NKAIN2: variants seen among roughly 807,000 people sequenced by gnomAD.
NKAIN2 encodes sodium/potassium-transporting ATPase subunit beta-1-interacting protein 2.
In NKAIN2, 14 loss-of-function variants were observed where a neutral mutation model predicts 32.6. The observed-to-expected ratio is 0.43, with a 90% confidence interval of 0.28 to 0.67. The LOEUF (loss-of-function observed/expected upper bound fraction) is 0.67. NKAIN2 is among the 30% of genes least tolerant of loss of function. NKAIN2 has a pLI of 0.17. For synonymous variants in NKAIN2, 80 were observed against 87.2 expected (o/e 0.92, Z 0.46); for missense variants, 198 against 258.3 (o/e 0.77, Z 1.60).
At chr6:124,173,584 G>C (rs955795159) in intron 1 of NKAIN2, among the ~76,000 whole-genome samples, 3 of 151,770 alleles carry the variant, frequency 2.0e-5, no homozygotes, top group African/African-American at 7.3e-5. Flanking sequence ...AAGGGATGGT[G>C]GTATTATATC....
intron 4 of NKAIN2, among the ~76,000 whole-genome samples, chr6:124,739,717 A>G (rs1399231922): frequency 1.3e-5 from 2 of 151,862 alleles, no homozygotes; most frequent in African/African-American, 4.8e-5. Flanking sequence ...CAGGGTCACA[A>G]ACGAAGATGA....
chr6:123,919,929 G>A (rs1775671676), intron 1 of NKAIN2, among the ~76,000 whole-genome samples: 1 of 152,080 alleles, frequency 6.6e-6, no homozygotes, highest in Admixed American at 6.6e-5. Flanking sequence ...GCAGGATAAT[G>A]TTAACTTTAA....
chr6:124,646,718 A>G (rs961067440), intron 3 of NKAIN2, among the ~76,000 whole-genome samples: 2 of 152,148 alleles, frequency 1.3e-5, no homozygotes, highest in African/African-American at 4.8e-5. Context: ...TGGGAAGCCG[A>G]GGCGAGTAGA....
intron 1 of NKAIN2, among the ~76,000 whole-genome samples, chr6:124,023,802 A>C (rs192654774): frequency 2.0e-5 from 3 of 152,264 alleles, no homozygotes; most frequent in African/African-American, 4.8e-5. Context: ...TTGAAAAGCT[A>C]CAGGATGTGA....
At chr6:124,523,801 T>G (rs1779212101) in intron 3 of NKAIN2, among the ~76,000 whole-genome samples, 1 of 152,142 alleles carries the variant, frequency 6.6e-6, no homozygotes, top group Non-Finnish European at 1.5e-5. Context: ...GACCTTCTTA[T>G]CTCAATCAGA....
At chr6:124,235,362 T>C (rs1332190271) in intron 1 of NKAIN2, among the ~76,000 whole-genome samples, 1 of 152,142 alleles carries the variant, frequency 6.6e-6, no homozygotes, top group Non-Finnish European at 1.5e-5. Flanking sequence ...GTATACATCC[T>C]ATTTATTGAA....
intron 1 of NKAIN2, among the ~76,000 whole-genome samples, chr6:123,965,746 G>A (rs1290025894): frequency 6.6e-5 from 10 of 152,060 alleles, no homozygotes; most frequent in Non-Finnish European, 1.2e-4. Flanking sequence ...CTTTATCCAC[G>A]ATTAATTTCC....
chr6:124,378,254 A>C (rs1800078425), intron 3 of NKAIN2, among the ~76,000 whole-genome samples: 1 of 152,128 alleles, frequency 6.6e-6, no homozygotes, highest in Non-Finnish European at 1.5e-5. Flanking sequence ...TATTACTTAT[A>C]GATAGGCAGC....
At chr6:124,022,471 C>T (rs1479145046) in intron 1 of NKAIN2, among the ~76,000 whole-genome samples, 6 of 152,310 alleles carry the variant, frequency 3.9e-5, no homozygotes, top group South Asian at 2.1e-4. Flanking sequence ...AATTGCCACA[C>T]TGTCTTCCAC....
In NKAIN2 at chr6:123,968,337, T is replaced by C. The variant is rs1165433325; in HGVS notation, c.54+164083T>C. 3.3e-5 allele frequency among the ~76,000 whole-genome samples: 5 copies of C among 152,176 alleles called. No individual in the cohort carries two copies. The South Asian group carries it at 1.0e-3, about 31-fold the overall frequency. On this transcript the variant is annotated intron_variant, in intron 1 of 6. Transcript: ENST00000368417. ...TAGGAGCCACGGGTGCTATTACTTA[T>C]AGTGGTCCAGATGATTCCATCTTGG...
intron 1 of NKAIN2, among the ~76,000 whole-genome samples, chr6:124,213,861 A>C (rs987824994): frequency 6.6e-6 from 1 of 152,172 alleles, no homozygotes; most frequent in Non-Finnish European, 1.5e-5. Flanking sequence ...GTATGTTTAA[A>C]CAAACAAATA....
chr6:124,490,834 G>C (rs139405053), intron 3 of NKAIN2, among the ~76,000 whole-genome samples: 1 of 151,708 alleles, frequency 6.6e-6, no homozygotes, highest in Admixed American at 6.6e-5. Flanking sequence ...GGGCTAGAGT[G>C]CATTTTATCT....
At chr6:124,575,436 C>G (rs1781294907) in intron 3 of NKAIN2, among the ~76,000 whole-genome samples, 1 of 152,220 alleles carries the variant, frequency 6.6e-6, no homozygotes, top group African/African-American at 2.4e-5. Context: ...TGGTGCAAGC[C>G]TAGTTCTCAA....
At chr6:123,812,398 A>T (rs910319710) in intron 1 of NKAIN2, among the ~76,000 whole-genome samples, 6 of 152,242 alleles carry the variant, frequency 3.9e-5, no homozygotes, top group Non-Finnish European at 5.9e-5. Context: ...ATAGAATATT[A>T]TCAAGTTATT....
intron 3 of NKAIN2, among the ~76,000 whole-genome samples, chr6:124,434,502 A>G (rs1466109972): frequency 6.6e-6 from 1 of 152,096 alleles, no homozygotes; most frequent in Non-Finnish European, 1.5e-5. Context: ...TAATCTTTGG[A>G]ATGTTAGTTC....
intron 1 of NKAIN2, among the ~76,000 whole-genome samples, chr6:124,050,589 TG>T (rs1234993970): frequency 1.8e-4 from 27 of 151,968 alleles, no homozygotes; most frequent in Non-Finnish European, 2.6e-4. Flanking sequence ...GTTCATTTGG[TG>T]TTATATATCC....
chr6:123,804,103 A>G lies in NKAIN2; in HGVS notation c.-98A>G, dbSNP rs1773111431. The stretch of plus-strand genomic sequence containing the variant: ...AGCCCGGAGCCCCCGAGCCCTCGGC[A>G]GGTTTGCGTGTCCTTCCCCGCGATC... On this transcript the variant is annotated 5_prime_UTR_variant, in exon 1 of 7. Coordinates refer to ENST00000368417, the MANE Select transcript of NKAIN2 (RefSeq NM_001040214.3). 5 of 1,100,550 alleles carry G rather than the reference A, an allele frequency of 4.5e-6. No homozygotes were observed. The highest frequency in any genetic ancestry group is 2.4e-5 in the East Asian group (1 of 42,448). 68.2% of individuals were successfully genotyped at this position (1,100,550 alleles called of 1,614,324 possible).
intron 1 of NKAIN2, among the ~76,000 whole-genome samples, chr6:124,011,518 A>G (rs538792480): frequency 1.3e-5 from 2 of 152,066 alleles, no homozygotes; most frequent in African/African-American, 4.8e-5. Flanking sequence ...CCTAAAAATT[A>G]TTTGATAATA....
At chr6:124,634,421 A>G (rs1286431965) in intron 3 of NKAIN2, among the ~76,000 whole-genome samples, 1 of 152,148 alleles carries the variant, frequency 6.6e-6, no homozygotes, top group African/African-American at 2.4e-5. Flanking sequence ...AAAACCAAAC[A>G]GAAATCATAT....
Sources: allele counts gnomAD v4.1 joint callset (sites outside exome capture counted in the v4.1 genomes callset), GRCh38; gene constraint gnomAD v4.1.1; transcripts MANE v1.5; gene names NCBI Gene and HGNC (gene_info 2026-07-23, HGNC 2026-07-21).